Variants in TRAPPC14 observed in about 807,000 individuals in gnomAD.
The protein encoded by TRAPPC14 is microtubule associated protein 11.
A neutral mutation model predicts 56.6 loss-of-function variants in TRAPPC14; 24 were observed. That is an observed-to-expected ratio of 0.42 (90% CI 0.31 to 0.60). TRAPPC14 has a LOEUF of 0.60. Among genes scored for constraint, TRAPPC14 ranks in the 20% least tolerant of loss-of-function variants. The pLI is 0.14. For synonymous variants in TRAPPC14, 377 were observed against 347.0 expected, an observed-to-expected ratio of 1.09 and a Z score of -0.96; for missense variants, 615 against 790.3, an observed-to-expected ratio of 0.78 and a Z score of 2.66.
intron 7 of TRAPPC14, 25 bp downstream of exon 7, chr7:100,156,609 C>T (rs767572065): frequency 7.5e-6 from 12 of 1,610,530 alleles, no homozygotes; most frequent in South Asian, 2.2e-5. Context: ...GCGAACGCCA[C>T]GATTCCTCCA....
At position 100,157,848 on chromosome 7, in the gene TRAPPC14, C is replaced by A; in HGVS notation, c.502G>T (p.Ala168Ser). The change falls in exon 2 of 11, where the codon GCC becomes TCC. Residue 168 changes from alanine (A) to serine (S), a missense_variant. By Grantham distance (99) the Ala-to-Ser change is moderately conservative. Coordinates refer to ENST00000316937, the MANE Select transcript of TRAPPC14 (RefSeq NM_018275.5). Reference sequence around the variant, plus strand: ...TCCACTCTTGCTCATCTTACCTTGGCCTTAGGTGTCCCTGGGGGCAGTCTA... The same window carrying A: ...TCCACTCTTGCTCATCTTACCTTGGACTTAGGTGTCCCTGGGGGCAGTCTA... ...LDRLPPGTPK[A>S]KIVVTVWKRE... 6.3e-7 allele frequency: 1 copy of A among 1,599,410 alleles called. No individual in the cohort carries two copies. The highest frequency in any genetic ancestry group is 8.5e-7 in the Non-Finnish European group (1 of 1,170,918).
In TRAPPC14 at chr7:100,158,166, C is replaced by T; in HGVS notation, c.334G>A (p.Gly112Ser). The change falls in exon 1 of 11, where the codon GGT (glycine) becomes AGT (serine). Residue 112 changes from glycine to serine, a missense_variant. By Grantham distance (56) the Gly-to-Ser change is moderately conservative. Coordinates refer to ENST00000316937, the MANE Select transcript of TRAPPC14 (RefSeq NM_018275.5). ...CTGCAGCCTCGGAACAAACCCCCAC[C>T]CCCAGGATCCCCTCCCCCTGGGGGC... ...SEPPGGGDPG[G>S]GGLFRGCSPL... 5 of 1,448,812 alleles carry T rather than the reference C, an allele frequency of 3.5e-6. No homozygotes were observed. The highest frequency in any genetic ancestry group is 4.5e-6 in the Non-Finnish European group (5 of 1,109,598). 89.7% of individuals were successfully genotyped at this position (1,448,812 alleles called of 1,614,324 possible).
At chr7:100,157,604 G>T in intron 3 of TRAPPC14, 29 bp downstream of exon 3, 1 of 1,613,204 alleles carries the variant, frequency 6.2e-7, no homozygotes. Context: ...CCAGACTCTA[G>T]CCCTTTGCCT....
Position 100,156,701 on chromosome 7 carries a change from G to A in TRAPPC14, c.1009C>T (p.Leu337=). The A allele has an allele frequency of 6.2e-7, 1 of 1,612,110 alleles. No individual in the cohort carries two copies. The highest frequency in any genetic ancestry group is 2.2e-5 in the East Asian group (1 of 44,860). The change falls in exon 7 of 11, where the codon CTG becomes TTG. Residue 337 remains leucine (L), a synonymous_variant. Transcript: ENST00000316937. The part of the protein sequence containing the change: ...PGAKEGLEVP[L]IAVVQWSTPK... ...GTAGACCACTGAACCACAGCAATCA[G>A]GGGAACTTCCAGGCCCTGCAGGAGG...
chr7:100,158,707 G>GGA lies in TRAPPC14; in HGVS notation c.-210_-209dup, dbSNP rs1474539530. ...AACCGGGGTACTGAGCCGAATGACT[G>GGA]GAGAGAAACAGGAAGCGGAAGGGAG... On this transcript the variant is annotated 5_prime_UTR_variant, in exon 1 of 11. Coordinates refer to ENST00000316937, the MANE Select transcript of TRAPPC14 (RefSeq NM_018275.5). 2.3e-6 allele frequency: 1 copy of GGA among 431,998 alleles called. No homozygotes were observed. The highest frequency in any genetic ancestry group is 2.0e-5 in the African/African-American group (1 of 49,016). The allele number at this position is 431,998 out of a possible 1,614,324, so 26.8% of individuals were successfully genotyped here.
Position 100,154,881 on chromosome 7 carries a change from C to G in TRAPPC14, c.*130G>C. 1 of 851,882 alleles carries G rather than the reference C, an allele frequency of 1.2e-6. No individual in the cohort carries two copies. Among genetic ancestry groups the G allele is most frequent in the South Asian group, 1.5e-5 (1 of 65,514 alleles). 52.8% of individuals were successfully genotyped at this position (851,882 alleles called of 1,614,324 possible). A position where few individuals can be genotyped will look rare whatever the true frequency, so the allele number is the denominator to read the frequency against. ...CCATCCCTCATCAGCAGACACAAGA[C>G]AGGCAGCTCTGCCAGGCCTCTTCAC... On this transcript the variant is annotated 3_prime_UTR_variant, in exon 11 of 11. Coordinates refer to ENST00000316937, the MANE Select transcript of TRAPPC14 (RefSeq NM_018275.5).
chr7:100,157,833 C>T lies in TRAPPC14; in HGVS notation c.507+10G>A. On this transcript the variant is annotated intron_variant, in intron 2 of 10. Transcript: ENST00000316937. The stretch of plus-strand genomic sequence containing the variant: ...AATTAGGACAATAGCTCCACTCTTG[C>T]TCATCTTACCTTGGCCTTAGGTGTC... The T allele has an allele frequency of 6.2e-7, 1 of 1,608,618 alleles. No individual in the cohort carries two copies. The highest frequency in any genetic ancestry group is 8.5e-7 in the Non-Finnish European group (1 of 1,176,262).
chr7:100,157,037 C>G, intron 5 of TRAPPC14, 45 bp from the exon 6 acceptor site: 5 of 1,613,930 alleles, frequency 3.1e-6, no homozygotes, highest in Non-Finnish European at 4.2e-6. Context: ...CATGCCAGAG[C>G]TCAGCCCCTG....
At position 100,155,261 on chromosome 7, in the gene TRAPPC14, C is replaced by T. The variant is rs773083637; in HGVS notation, c.1589+1G>A. ...CCATGCCACGCCCCCTGGTTCTGTA[C>T]CTCATGAGGTGGCTTCGGGAAGGCT... On this transcript the variant is annotated splice_donor_variant, in intron 10 of 10. Coordinates refer to ENST00000316937, the MANE Select transcript of TRAPPC14 (RefSeq NM_018275.5). LOFTEE classifies it high-confidence loss of function. 2 of 1,574,888 alleles carry T rather than the reference C, an allele frequency of 1.3e-6. No homozygotes were observed. Among genetic ancestry groups the T allele is most frequent in the Non-Finnish European group, 1.7e-6 (2 of 1,160,814 alleles).
chr7:100,155,238 A>G (rs746654990), intron 10 of TRAPPC14, 24 bp downstream of exon 10: 3 of 1,587,172 alleles, frequency 1.9e-6, no homozygotes, highest in Non-Finnish European at 2.6e-6. Context: ...ACCCGGTCCC[A>G]TGCCACGCCC....
chr7:100,155,032 C>T lies in TRAPPC14; in HGVS notation c.1722G>A (p.Leu574=). The T allele has an allele frequency of 6.2e-7, 1 of 1,614,170 alleles. No homozygotes were observed. Among genetic ancestry groups the T allele is most frequent in the Non-Finnish European group, 8.5e-7 (1 of 1,180,014 alleles). Residue 574 remains leucine (L), a synonymous_variant, in exon 11 of 11, where the codon CTG becomes CTA. Coordinates refer to ENST00000316937, the MANE Select transcript of TRAPPC14 (RefSeq NM_018275.5). ...DKIAKRECKV[L]VVEPVK ...GGTGCTACTTGACGGGTTCCACCACCAGGACCTTGCACTCGCGCTTGGCAA... is the reference window on the plus strand; with the variant it reads ...GGTGCTACTTGACGGGTTCCACCACTAGGACCTTGCACTCGCGCTTGGCAA...
At position 100,157,412 on chromosome 7, in the gene TRAPPC14, G is replaced by A. The variant is rs1260060748; in HGVS notation, c.685C>T (p.Gln229Ter). 1 of 1,614,090 alleles carries A rather than the reference G, an allele frequency of 6.2e-7. No homozygotes were observed. Among genetic ancestry groups the A allele is most frequent in the East Asian group, 2.2e-5 (1 of 44,886 alleles). Reference sequence around the variant, plus strand: ...AAGTGTTTTCCAGCCACAGTGAACTGCCGGCATCTCAGAACCGGAGGGGGC... The same window carrying A: ...AAGTGTTTTCCAGCCACAGTGAACTACCGGCATCTCAGAACCGGAGGGGGC... ...LLPPPVLRCR[Q>*]FTVAGKHLTV... Residue 229 changes from glutamine (Q) to a stop codon, truncating the protein, a stop_gained, in exon 4 of 11, where the codon CAG becomes TAG. Coordinates refer to ENST00000316937, the MANE Select transcript of TRAPPC14 (RefSeq NM_018275.5). LOFTEE classifies it high-confidence loss of function.
rs1161189368 is a variant in TRAPPC14, at chr7:100,155,298, A to G, written c.1553T>C (p.Phe518Ser). The G allele has an allele frequency of 1.9e-6, 3 of 1,559,842 alleles. No homozygotes were observed. The highest frequency in any genetic ancestry group is 2.6e-6 in the Non-Finnish European group (3 of 1,152,566). Residue 518 changes from phenylalanine (F) to serine (S), a missense_variant, in exon 10 of 11, where the codon TTC becomes TCC. Physicochemically the swap from Phe to Ser is radical, Grantham distance 155. Coordinates refer to ENST00000316937, the MANE Select transcript of TRAPPC14 (RefSeq NM_018275.5). Reference sequence around the variant, plus strand: ...GCTTCGGGAAGGCTGCTGGTGGGAGAAGGACTGGGAGCGGCCCAGGCTAGC... The same window carrying G: ...GCTTCGGGAAGGCTGCTGGTGGGAGGAGGACTGGGAGCGGCCCAGGCTAGC... ...HQASLGRSQS[F>S]SHQQPSRSHL...
chr7:100,156,810 A>G, intron 6 of TRAPPC14, 35 bp downstream of exon 6: 1 of 1,609,954 alleles, frequency 6.2e-7, no homozygotes. Flanking sequence ...CTGCCTTATC[A>G]CTTTTCTTTG....
In TRAPPC14 at chr7:100,156,512, T is replaced by C. The variant is rs750718497; in HGVS notation, c.1114A>G (p.Met372Val). 5.6e-6 allele frequency: 9 copies of C among 1,614,072 alleles called. No homozygotes were observed. The highest frequency in any genetic ancestry group is 7.6e-6 in the Non-Finnish European group (9 of 1,180,016). ...SVRLDRPCFV[M>V]TASCKSPVRT... is the part of the protein sequence containing the mutation. ...ACAGGGGACTTACAAGAAGCGGTCA[T>C]CACAAAACACGGGCGGTCCAAGCGG... The change falls in exon 8 of 11, where the codon ATG becomes GTG. Residue 372 changes from methionine to valine, a missense_variant. Coordinates refer to ENST00000316937, the MANE Select transcript of TRAPPC14 (RefSeq NM_018275.5).
chr7:100,157,515 A>G (rs1798908593), intron 3 of TRAPPC14, 56 bp from the exon 4 acceptor site: 2 of 1,605,802 alleles, frequency 1.2e-6, no homozygotes, highest in Non-Finnish European at 1.7e-6. Context: ...CTCACCTCCA[A>G]CCCAGAATTC....
In TRAPPC14 at chr7:100,156,859, G is replaced by A; in HGVS notation, c.979C>T (p.Pro327Ser). 1 of 1,614,068 alleles carries A rather than the reference G, an allele frequency of 6.2e-7. No homozygotes were observed. Among genetic ancestry groups the A allele is most frequent in the Non-Finnish European group, 8.5e-7 (1 of 1,180,028 alleles). The change falls in exon 6 of 11, where the codon CCA becomes TCA. Residue 327 changes from proline to serine, a missense_variant. Pro to Ser is a moderately conservative substitution (Grantham distance 74, BLOSUM62 -1). Transcript: ENST00000316937. Reference protein sequence around the residue: ...FQLRGGEQPPPGAKEGLEVPL... With the variant: ...FQLRGGEQPPSGAKEGLEVPL... ...CTTATGCTCACCTCCTTGGCCCCTG[G>A]AGGGGGCTGCTCACCCCCTCTCAGC...
chr7:100,157,407 G>T lies in TRAPPC14; in HGVS notation c.690C>A (p.Phe230Leu). The T allele has an allele frequency of 6.2e-7, 1 of 1,614,080 alleles. No homozygotes were observed. The highest frequency in any genetic ancestry group is 8.5e-7 in the Non-Finnish European group (1 of 1,180,036). ...CGGTCAAGTGTTTTCCAGCCACAGTGAACTGCCGGCATCTCAGAACCGGAG... is the reference window on the plus strand; with the variant it reads ...CGGTCAAGTGTTTTCCAGCCACAGTTAACTGCCGGCATCTCAGAACCGGAG... Reference protein sequence around the residue: ...LPPPVLRCRQFTVAGKHLTVL... With the variant: ...LPPPVLRCRQLTVAGKHLTVL... Residue 230 changes from phenylalanine (F) to leucine (L), a missense_variant, in exon 4 of 11, where the codon TTC becomes TTA. By Grantham distance (22) the Phe-to-Leu change is conservative. Coordinates refer to ENST00000316937, the MANE Select transcript of TRAPPC14 (RefSeq NM_018275.5).
intron 9 of TRAPPC14, 41 bp from the exon 10 acceptor site, chr7:100,155,496 G>A (rs1255363304): frequency 1.3e-6 from 2 of 1,518,366 alleles, no homozygotes; most frequent in South Asian, 1.3e-5. Context: ...TCGGCTTCCA[G>A]GACCCAGGCC....
Sources: gnomAD v4.1 joint callset for allele counts on GRCh38, gnomAD v4.1.1 for gene constraint, MANE v1.5 for transcripts, NCBI Gene and HGNC (gene_info 2026-07-23, HGNC 2026-07-21) for gene names.